Variants in ATL3 observed in about 807,000 individuals in gnomAD.
ATL3 encodes the protein atlastin-3.
A neutral mutation model predicts 69.5 loss-of-function variants in ATL3; 49 were observed. The ratio of observed to expected loss-of-function variants is 0.71; its 90% CI spans 0.56 to 0.89. ATL3 has a LOEUF of 0.89. ATL3 is among the 40% of genes least tolerant of loss of function. ATL3 has a pLI of 0.00. For synonymous variants in ATL3, 214 were observed against 224.1 expected (o/e 0.95, Z 0.40); for missense variants, 606 against 645.7 (o/e 0.94, Z 0.67).
At chr11:63,633,162 TA>T in intron 10 of ATL3, 65 bp from the exon 11 acceptor site, 1 of 1,358,156 alleles carries the variant, frequency 7.4e-7, no homozygotes, top group Non-Finnish European at 1.0e-6. Context: ...ACAAATAACC[TA>T]ACAAAAATCT....
At chr11:63,630,982 C>G (rs1280557579) in intron 12 of ATL3, 58 bp downstream of exon 12, 1 of 1,501,226 alleles carries the variant, frequency 6.7e-7, no homozygotes, top group Admixed American at 2.2e-5. Context: ...TATTTTACAA[C>G]AGAAGCACAA....
chr11:63,652,598 CAA>C (rs1466585749), intron 3 of ATL3, 23 bp from the exon 4 acceptor site: 2 of 1,541,778 alleles, frequency 1.3e-6, no homozygotes, highest in Admixed American at 1.8e-5. Context: ...AAAATACAAA[CAA>C]AAGAGATTAA....
chr11:63,629,066 G>T lies in ATL3; in HGVS notation c.*253C>A. The T allele has an allele frequency of 2.1e-6, 1 of 470,128 alleles. No homozygotes were observed. The highest frequency in any genetic ancestry group is 3.3e-5 in the East Asian group (1 of 29,906). The allele number at this position is 470,128 out of a possible 1,614,324, so 29.1% of individuals were successfully genotyped here. A position where few individuals can be genotyped will look rare whatever the true frequency, so the allele number is the denominator to read the frequency against. On this transcript the variant is annotated 3_prime_UTR_variant, in exon 13 of 13. Transcript: ENST00000398868. ...CCTCCTCCATAAAGTGCACAAAGCA[G>T]AGTAATATGAAAATAGACACAGGCT...
At chr11:63,665,017 C>T (rs1940533225) in intron 1 of ATL3, among the ~76,000 whole-genome samples, 1 of 152,134 alleles carries the variant, frequency 6.6e-6, no homozygotes, top group Admixed American at 6.6e-5. Flanking sequence ...GATAAAGTTA[C>T]GTGGTTACAA....
intron 8 of ATL3, among the ~76,000 whole-genome samples, chr11:63,641,191 G>C (rs1247823824): frequency 6.6e-6 from 1 of 152,144 alleles, no homozygotes; most frequent in African/African-American, 2.4e-5. Flanking sequence ...GCTCTATCTT[G>C]ATGAGGAAAC....
rs558531428 is a variant in ATL3 at position 63,669,707 on chromosome 11, CGAG to C, written c.46+1580_46+1582del. On this transcript the variant is annotated intron_variant, in intron 1 of 12. Transcript: ENST00000398868. The stretch of plus-strand genomic sequence containing the variant: ...CCTGTAATCCCAGTACTTGGGAGGC[CGAG>C]GAGAGGAGGGTGGTTCACCTGAGGT... Among the ~76,000 whole-genome samples the C allele has an allele frequency of 4.2e-3, 640 of 151,676 alleles. 4 individuals carry two copies. Among genetic ancestry groups the C allele is most frequent in the African/African-American group, 0.013 (551 of 41,360 alleles).
chr11:63,633,121 C>T (rs1939381357), intron 10 of ATL3, 24 bp from the exon 11 acceptor site: 7 of 1,592,354 alleles, frequency 4.4e-6, no homozygotes, highest in Non-Finnish European at 5.2e-6. Context: ...AAAACGTGAA[C>T]TGTAAATCCT....
At chr11:63,644,368 G>GC in intron 6 of ATL3, 107 bp from the exon 7 acceptor site, 2 of 529,916 alleles carry the variant, frequency 3.8e-6, no homozygotes, top group Non-Finnish European at 6.7e-6. Flanking sequence ...AGGGGGTAAA[G>GC]TAGAAGGATT....
chr11:63,644,382 C>CTTT (rs5792299), intron 6 of ATL3, 121 bp from the exon 7 acceptor site: 185 of 344,492 alleles, frequency 5.4e-4, no homozygotes, highest in South Asian at 6.4e-4. Context: ...AAGGATTTAC[C>CTTT]TTTTTTTTTT....
At chr11:63,642,283 G>C (rs1330201553) in intron 8 of ATL3, among the ~76,000 whole-genome samples, 1 of 152,172 alleles carries the variant, frequency 6.6e-6, no homozygotes, top group Non-Finnish European at 1.5e-5. Flanking sequence ...AAGTATCAGA[G>C]AAGTGACAAA....
chr11:63,632,799 T>C, intron 11 of ATL3: 2 of 768,490 alleles, frequency 2.6e-6, no homozygotes, highest in Non-Finnish European at 4.4e-6. Context: ...ACTATGTACT[T>C]ACCAATAAAC....
intron 8 of ATL3, among the ~76,000 whole-genome samples, chr11:63,642,673 A>G (rs573741811): frequency 7.2e-5 from 11 of 152,200 alleles, no homozygotes; most frequent in Non-Finnish European, 1.2e-4. Flanking sequence ...TTCCTCACAT[A>G]TAAGATAAAG....
chr11:63,669,397 C>T (rs1356464287), intron 1 of ATL3, among the ~76,000 whole-genome samples: 2 of 151,562 alleles, frequency 1.3e-5, no homozygotes, highest in Non-Finnish European at 2.9e-5. Flanking sequence ...TACCCAGGCG[C>T]GGTGGAGGGC....
At position 63,624,093 on chromosome 11, in the gene ATL3, T is replaced by A. The variant is rs188453249; in HGVS notation, c.*5226A>T. ...AAAGAAAACACAGATAACATGGTGTTGTGATCTTTATTCCATTAAATGATC... is the reference window on the plus strand; with the variant it reads ...AAAGAAAACACAGATAACATGGTGTAGTGATCTTTATTCCATTAAATGATC... On this transcript the variant is annotated 3_prime_UTR_variant, in exon 13 of 13. Coordinates refer to ENST00000398868, the MANE Select transcript of ATL3 (RefSeq NM_015459.5). The A allele has an allele frequency of 6.6e-6, 1 of 152,210 alleles. No individual in the cohort carries two copies. The highest frequency in any genetic ancestry group is 1.5e-5 in the Non-Finnish European group (1 of 68,040). The allele number at this position is 152,210 out of a possible 1,614,324, so 9.4% of individuals were successfully genotyped here. A position where few individuals can be genotyped will look rare whatever the true frequency, so the allele number is the denominator to read the frequency against.
intron 1 of ATL3, among the ~76,000 whole-genome samples, chr11:63,667,478 T>C (rs1940610191): frequency 6.6e-6 from 1 of 151,992 alleles, no homozygotes; most frequent in Non-Finnish European, 1.5e-5. Context: ...TCCTGAGAAG[T>C]GGGCCGGGTG....
In ATL3 at chr11:63,644,259, T is replaced by C. The variant is rs755791811; in HGVS notation, c.621A>G (p.Thr207=). 5.7e-6 allele frequency: 9 copies of C among 1,589,294 alleles called. No homozygotes were observed. Among genetic ancestry groups the C allele is most frequent in the Non-Finnish European group, 5.2e-6 (6 of 1,160,648 alleles). The change falls in exon 7 of 13, where the codon ACA becomes ACG. Residue 207 remains threonine, a splice_region_variant and synonymous_variant. Coordinates refer to ENST00000398868, the MANE Select transcript of ATL3 (RefSeq NM_015459.5). ...MDEIFQKPFQ[T]LMFLVRDWSF... The stretch of plus-strand genomic sequence containing the variant: ...TCCAATCTCTAACCAAAAACATCAG[T>C]GTCTATTTAAGAAAAGAGCGGAACA...
In ATL3 at chr11:63,631,428, T is replaced by G; in HGVS notation, c.1151A>C (p.Glu384Ala). The change falls in exon 12 of 13, where the codon GAG becomes GCG. Residue 384 changes from glutamate (E) to alanine (A), a missense_variant. Transcript: ENST00000398868. ...EKPYLSPDIL[E>A]EKHCEFKQLA... is the part of the protein sequence containing the mutation. ...TTGTTTGAATTCACAGTGCTTCTCC[T>G]CTAGAATGTCTGGAGACAAATAAGG... 1 of 1,613,400 alleles carries G rather than the reference T, an allele frequency of 6.2e-7. No individual in the cohort carries two copies. The highest frequency in any genetic ancestry group is 1.1e-5 in the South Asian group (1 of 90,988).
At chr11:63,634,485 C>A (rs1469066994) in intron 10 of ATL3, among the ~76,000 whole-genome samples, 1 of 151,532 alleles carries the variant, frequency 6.6e-6, no homozygotes, top group Non-Finnish European at 1.5e-5. Context: ...CCAGCCTGGG[C>A]AACAGAGCAA....
At chr11:63,632,922 CTCATCACTTAAAGATACATTAAGTAGGA>C in intron 11 of ATL3, 76 bp downstream of exon 11, 1 of 1,037,120 alleles carries the variant, frequency 9.6e-7, no homozygotes, top group South Asian at 1.4e-5. Flanking sequence ...AGTTTATTGC[CTCATCACTTAAAGATACATTAAGTAGGA>C]TCAAGTTGGG....
Sources: gnomAD v4.1 joint callset for allele counts (sites outside exome capture counted in the v4.1 genomes callset) on GRCh38, gnomAD v4.1.1 for gene constraint, MANE v1.5 for transcripts, NCBI Gene and HGNC (gene_info 2026-07-23, HGNC 2026-07-21) for gene names.